Variants in CNTN4 observed in about 807,000 individuals in gnomAD.
The protein encoded by CNTN4 is contactin 4.
CNTN4 carries 77 observed loss-of-function variants against 122.5 expected under a neutral mutation model. The observed-to-expected ratio is 0.63, with a 90% CI of 0.52 to 0.76. CNTN4 has a LOEUF of 0.76. CNTN4 is among the 30% of genes least tolerant of loss of function. The pLI is 0.00. For missense variants in CNTN4, 1,256 were observed against 1,259.1 expected, an observed-to-expected ratio of 1.00 and a Z score of 0.04; for synonymous variants, 512 against 447.0, an observed-to-expected ratio of 1.15 and a Z score of -1.83.
At chr3:2,716,235 C>T (rs894521776) in intron 4 of CNTN4, among the ~76,000 whole-genome samples, 12 of 152,136 alleles carry the variant, frequency 7.9e-5, no homozygotes, top group African/African-American at 2.6e-4. Context: ...TTAAATTTAA[C>T]TCAAAGATAT....
intron 23 of CNTN4, among the ~76,000 whole-genome samples, chr3:3,044,761 C>A (rs905684547): frequency 2.8e-4 from 42 of 152,082 alleles, no homozygotes; most frequent in African/African-American, 9.9e-4. Flanking sequence ...GGACAGTGGG[C>A]GCAGGACAGT....
chr3:2,651,938 C>G (rs954365627), intron 4 of CNTN4, among the ~76,000 whole-genome samples: 2 of 151,732 alleles, frequency 1.3e-5, no homozygotes, highest in Admixed American at 6.6e-5. Flanking sequence ...AACTCCTGAC[C>G]TCAGGTGATC....
intron 3 of CNTN4, among the ~76,000 whole-genome samples, chr3:2,344,087 T>C (rs755591230): frequency 6.6e-6 from 1 of 152,084 alleles, no homozygotes; most frequent in Non-Finnish European, 1.5e-5. Flanking sequence ...CTTCCCCCCA[T>C]GGCCCAAACA....
At chr3:2,946,010 T>G (rs895438167) in intron 13 of CNTN4, among the ~76,000 whole-genome samples, 16 of 152,250 alleles carry the variant, frequency 1.1e-4, no homozygotes, top group African/African-American at 3.4e-4. Context: ...TCTCATCTTC[T>G]TTCAAGGATG....
chr3:2,571,637 A>C, intron 4 of CNTN4, 79 bp downstream of exon 4: 2 of 1,019,896 alleles, frequency 2.0e-6, no homozygotes, highest in East Asian at 2.4e-5. Flanking sequence ...CCTTCACTTT[A>C]GACGGCAATG....
intron 5 of CNTN4, among the ~76,000 whole-genome samples, chr3:2,740,038 T>C (rs1189337291): frequency 6.6e-6 from 1 of 152,160 alleles, no homozygotes; most frequent in Non-Finnish European, 1.5e-5. Flanking sequence ...ACCTTTTTTT[T>C]TCCCCCAAGT....
intron 3 of CNTN4, among the ~76,000 whole-genome samples, chr3:2,395,761 A>G (rs1045568086): frequency 6.6e-6 from 1 of 152,156 alleles, no homozygotes; most frequent in Non-Finnish European, 1.5e-5. Flanking sequence ...GTATCCATGA[A>G]TGACATGATG....
At chr3:2,278,560 A>T (rs1020929505) in intron 2 of CNTN4, among the ~76,000 whole-genome samples, 10 of 152,204 alleles carry the variant, frequency 6.6e-5, no homozygotes, top group Admixed American at 2.0e-4. Flanking sequence ...TTAGTTGTTG[A>T]AAGAGAAGTA....
chr3:2,531,077 C>G (rs979666751), intron 3 of CNTN4, among the ~76,000 whole-genome samples: 2 of 152,054 alleles, frequency 1.3e-5, no homozygotes, highest in African/African-American at 4.8e-5. Context: ...GAATGCTAAG[C>G]CTGGGGAAAG....
chr3:2,201,277 A>G lies in CNTN4; in HGVS notation c.-145+100638A>G, dbSNP rs575091113. 3.0e-4 allele frequency among the ~76,000 whole-genome samples: 46 copies of G among 152,312 alleles called. 1 individual carries two copies. The South Asian group carries it at 9.3e-3, about 31-fold the overall frequency. On this transcript the variant is annotated intron_variant, in intron 2 of 24. Coordinates refer to ENST00000418658, the MANE Select transcript of CNTN4 (RefSeq NM_175607.3). ...TCAAGAATACTCCCTCAAATGAAAG[A>G]GAAGTTAAAAAAACTGCCTCAATGA...
At chr3:2,457,422 C>T (rs1195114264) in intron 3 of CNTN4, among the ~76,000 whole-genome samples, 2 of 151,916 alleles carry the variant, frequency 1.3e-5, no homozygotes, top group African/African-American at 4.8e-5. Flanking sequence ...ACAGAGTATG[C>T]CTGTTGGCAT....
At chr3:2,850,614 G>A (rs181844552) in intron 7 of CNTN4, among the ~76,000 whole-genome samples, 103 of 152,098 alleles carry the variant, frequency 6.8e-4, no homozygotes, top group African/African-American at 2.2e-3. Context: ...AAACTCCCCC[G>A]CAGGTTTCCT....
At chr3:2,746,848 A>G (rs960951377) in intron 6 of CNTN4, among the ~76,000 whole-genome samples, 2 of 152,234 alleles carry the variant, frequency 1.3e-5, no homozygotes, top group African/African-American at 4.8e-5. Flanking sequence ...TGTTTAGAAT[A>G]ATAGGAGAAT....
At chr3:2,940,126 G>T (rs567464763) in intron 13 of CNTN4, among the ~76,000 whole-genome samples, 3 of 152,300 alleles carry the variant, frequency 2.0e-5, no homozygotes, top group East Asian at 3.9e-4. Flanking sequence ...GGTGTGGGAG[G>T]TTCATTGAGA....
intron 3 of CNTN4, among the ~76,000 whole-genome samples, chr3:2,477,185 G>A (rs896490993): frequency 1.3e-5 from 2 of 152,146 alleles, no homozygotes; most frequent in African/African-American, 4.8e-5. Flanking sequence ...AGTAGCTCTT[G>A]TTCTTATAAG....
chr3:2,407,470 C>T (rs1295800831), intron 3 of CNTN4, among the ~76,000 whole-genome samples: 1 of 151,912 alleles, frequency 6.6e-6, no homozygotes, highest in South Asian at 2.1e-4. Flanking sequence ...CAGAACAGAA[C>T]TTTCATAAAT....
intron 6 of CNTN4, among the ~76,000 whole-genome samples, chr3:2,807,469 T>A (rs917236027): frequency 6.6e-6 from 1 of 152,162 alleles, no homozygotes; most frequent in African/African-American, 2.4e-5. Flanking sequence ...TTCATTTATA[T>A]ACAGAACTTT....
chr3:2,472,615 C>T (rs1050645198), intron 3 of CNTN4, among the ~76,000 whole-genome samples: 2 of 151,970 alleles, frequency 1.3e-5, no homozygotes, highest in African/African-American at 4.8e-5. Context: ...GATAGATAAC[C>T]TTAGAGAAAA....
intron 2 of CNTN4, among the ~76,000 whole-genome samples, chr3:2,277,680 T>C (rs2041567649): frequency 6.6e-6 from 1 of 152,158 alleles, no homozygotes; most frequent in South Asian, 2.1e-4. Context: ...TCATTCAAGT[T>C]AACATTAATA....
Sources: gnomAD v4.1 joint callset for allele counts (sites outside exome capture counted in the v4.1 genomes callset) on GRCh38, gnomAD v4.1.1 for gene constraint, MANE v1.5 for transcripts, NCBI Gene and HGNC (gene_info 2026-07-23, HGNC 2026-07-21) for gene names.